SIL1: variants seen among roughly 807,000 people sequenced by gnomAD.
SIL1 encodes the protein nucleotide exchange factor SIL1.
In SIL1, 40 loss-of-function variants were observed where a neutral mutation model predicts 49.1. The ratio of observed to expected loss-of-function variants is 0.81; its 90% CI spans 0.63 to 1.06. The LOEUF (loss-of-function observed/expected upper bound fraction) is 1.06. Ranked by LOEUF, SIL1 falls within the 50% of genes least tolerant of loss-of-function variation. The pLI is 0.00. For synonymous variants in SIL1, 253 were observed against 250.8 expected (o/e 1.01, Z -0.08); for missense variants, 500 against 572.6 (o/e 0.87, Z 1.29).
At chr5:139,070,267 T>C (rs1769801654) in intron 3 of SIL1, among the ~76,000 whole-genome samples, 1 of 152,030 alleles carries the variant, frequency 6.6e-6, no homozygotes, top group South Asian at 2.1e-4. Context: ...TTACATATTC[T>C]AATTGTATAA....
intron 7 of SIL1, among the ~76,000 whole-genome samples, chr5:139,012,058 TG>T (rs1377505180): frequency 6.6e-6 from 1 of 152,010 alleles, no homozygotes; most frequent in East Asian, 1.9e-4. Context: ...CTTTGGTTTT[TG>T]TTGTTGTTTT....
At chr5:139,009,153 G>A (rs1768193193) in intron 7 of SIL1, among the ~76,000 whole-genome samples, 1 of 150,586 alleles carries the variant, frequency 6.6e-6, no homozygotes, top group African/African-American at 2.5e-5. Flanking sequence ...CTCCTGTATT[G>A]GGTGCATATA....
At chr5:139,008,203 T>C (rs965800349) in intron 7 of SIL1, among the ~76,000 whole-genome samples, 8 of 151,726 alleles carry the variant, frequency 5.3e-5, no homozygotes, top group Non-Finnish European at 8.8e-5. Flanking sequence ...AGTGTATGTG[T>C]CGAGGAATTT....
chr5:139,022,452 A>G (rs1203691185), intron 6 of SIL1: 1 of 152,256 alleles, frequency 6.6e-6, no homozygotes. Flanking sequence ...AATCTCCATG[A>G]CAGCAGGGGT....
chr5:139,105,901 G>A lies in SIL1; in HGVS notation c.244+15134C>T, dbSNP rs571652142. ...CACAAGGCAATTTCTCTCTGTGCAG[G>A]GAAAAGGAGCCGCAAACATAAAGTT... On this transcript the variant is annotated intron_variant, in intron 3 of 9. Transcript: ENST00000394817. Among the ~76,000 whole-genome samples, 6 of 152,330 alleles carry A rather than the reference G, an allele frequency of 3.9e-5. No individual in the cohort carries two copies. The East Asian group carries it at 5.8e-4, about 15-fold the overall frequency.
chr5:139,170,011 C>T (rs940722242), intron 1 of SIL1, among the ~76,000 whole-genome samples: 4 of 152,368 alleles, frequency 2.6e-5, no homozygotes, highest in East Asian at 1.9e-4. Context: ...CGATTACAGG[C>T]GCGTGCTGCC....
At chr5:139,051,147 G>A (rs1581060011) in intron 3 of SIL1, 101 bp from the exon 4 acceptor site, 14 of 1,017,620 alleles carry the variant, frequency 1.4e-5, no homozygotes, top group Non-Finnish European at 1.9e-5. Flanking sequence ...ATGAAGACAC[G>A]ACTCAGCTGT....
At chr5:139,031,901 AT>A (rs1429797079) in intron 5 of SIL1, among the ~76,000 whole-genome samples, 2 of 152,174 alleles carry the variant, frequency 1.3e-5, no homozygotes, top group African/African-American at 4.8e-5. Flanking sequence ...TATGTTTTTA[AT>A]TTCAATTTCC....
intron 3 of SIL1, among the ~76,000 whole-genome samples, chr5:139,087,856 C>A (rs1032849376): frequency 1.3e-5 from 2 of 152,122 alleles, no homozygotes; most frequent in Non-Finnish European, 2.9e-5. Flanking sequence ...GAAGAAAAAG[C>A]CTCCTCAGGG....
At chr5:139,056,731 C>G (rs1251027849) in intron 3 of SIL1, among the ~76,000 whole-genome samples, 2 of 148,786 alleles carry the variant, frequency 1.3e-5, no homozygotes, top group African/African-American at 5.0e-5. Context: ...CCGCCCCGCC[C>G]GGGAGGTGAG....
rs1440658918 is a variant in SIL1, at chr5:139,026,861, G to A, written c.585C>T (p.Ser195=). Residue 195 remains serine, a synonymous_variant, in exon 6 of 10, where the codon TCC becomes TCT. Transcript: ENST00000394817. ...MVRLINKFNS[S]SSSLEEKIAA... is the part of the protein sequence containing the mutation. ...CAATCTTCTCTTCCAAACTGGAGCT[G>A]GAACTATTGAACTTGTTGATCAGCC... 8 of 1,614,058 alleles carry A rather than the reference G, an allele frequency of 5.0e-6. No individual in the cohort carries two copies. Among genetic ancestry groups the A allele is most frequent in the Non-Finnish European group, 6.8e-6 (8 of 1,180,046 alleles).
chr5:139,005,351 AT>A, intron 7 of SIL1, among the ~76,000 whole-genome samples: 1 of 151,644 alleles, frequency 6.6e-6, no homozygotes, highest in Non-Finnish European at 1.5e-5. Context: ...CATACTTTTG[AT>A]AAAATCTTAT....
At chr5:138,958,656 C>T (rs1766951094) in intron 7 of SIL1, among the ~76,000 whole-genome samples, 1 of 151,724 alleles carries the variant, frequency 6.6e-6, no homozygotes, top group African/African-American at 2.4e-5. Flanking sequence ...TTCATTGGAG[C>T]ACTTTGGATT....
Position 138,951,341 on chromosome 5 carries a change from G to A in SIL1, c.865-6C>T, listed in dbSNP as rs1224652137. ...GAGCACAGTGCAAACAGGACCTGGG[G>A]GCACAGACCCAGGGGTAGGTGAGGG... is the stretch of plus-strand genomic sequence containing the variant. On this transcript the variant is annotated splice_region_variant and splice_polypyrimidine_tract_variant and intron_variant, in intron 8 of 9. Coordinates refer to ENST00000394817, the MANE Select transcript of SIL1 (RefSeq NM_022464.5). 1.0e-5 allele frequency: 16 copies of A among 1,552,338 alleles called. No individual in the cohort carries two copies. In the East Asian group the frequency reaches 3.9e-4, roughly 38 times the overall value.
intron 3 of SIL1, among the ~76,000 whole-genome samples, chr5:139,104,362 C>T (rs903448620): frequency 6.6e-6 from 1 of 152,200 alleles, no homozygotes; most frequent in Non-Finnish European, 1.5e-5. Flanking sequence ...GCCAGAAGTC[C>T]TCTCTCTGTT....
intron 1 of SIL1, among the ~76,000 whole-genome samples, chr5:139,151,255 C>G (rs1033107802): frequency 3.9e-5 from 6 of 152,206 alleles, no homozygotes; most frequent in African/African-American, 1.2e-4. Flanking sequence ...AAGGGGGCAA[C>G]AGGAGAAAAA....
intron 5 of SIL1, among the ~76,000 whole-genome samples, chr5:139,034,210 T>A (rs1241730911): frequency 6.6e-6 from 1 of 152,164 alleles, no homozygotes; most frequent in Non-Finnish European, 1.5e-5. Flanking sequence ...ATCATTATAT[T>A]TGAATTTCTT....
chr5:139,061,021 G>A (rs1464406606), intron 3 of SIL1, among the ~76,000 whole-genome samples: 1 of 152,202 alleles, frequency 6.6e-6, no homozygotes, highest in East Asian at 1.9e-4. Context: ...CATGAATGGT[G>A]AGGGCTGTGA....
intron 3 of SIL1, among the ~76,000 whole-genome samples, chr5:139,091,305 A>G (rs1770337368): frequency 1.3e-5 from 2 of 152,132 alleles, no homozygotes; most frequent in Admixed American, 6.5e-5. Context: ...AGTATCTGCA[A>G]TTTAATATCA....
Sources: allele counts gnomAD v4.1 joint callset (sites outside exome capture counted in the v4.1 genomes callset), GRCh38; gene constraint gnomAD v4.1.1; transcripts MANE v1.5; gene names NCBI Gene and HGNC (gene_info 2026-07-23, HGNC 2026-07-21).